Variants in EGFR observed in about 807,000 individuals in gnomAD.
EGFR encodes epidermal growth factor receptor.
Under a neutral mutation model 143.0 loss-of-function variants are expected in EGFR, and 58 were observed. That is an observed-to-expected ratio of 0.41 (90% CI 0.33 to 0.50). The LOEUF is 0.50. Ranked by LOEUF, EGFR falls within the 20% of genes least tolerant of loss-of-function variation. EGFR has a pLI of 0.39. For missense variants in EGFR, 1,307 were observed against 1,579.0 expected (o/e 0.83, Z 2.92); for synonymous variants, 613 against 594.4 (o/e 1.03, Z -0.45).
At chr7:55,189,720 G>A (rs6972381) in intron 20 of EGFR, among the ~76,000 whole-genome samples, 2,532 of 152,322 alleles carry the variant, frequency 0.017, 78 homozygotes, top group African/African-American at 0.058. Context: ...CACAGAGGAC[G>A]CCTTCAACAA....
intron 19 of EGFR, 25 bp from the exon 20 acceptor site, chr7:55,181,268 C>A (rs1786852408): frequency 1.9e-6 from 3 of 1,613,764 alleles, no homozygotes; most frequent in Non-Finnish European, 1.7e-6. Flanking sequence ...CGAAGCCACA[C>A]TGACGTGCCT....
intron 3 of EGFR, among the ~76,000 whole-genome samples, chr7:55,145,256 A>G (rs1794703512): frequency 6.6e-6 from 1 of 152,172 alleles, no homozygotes; most frequent in South Asian, 2.1e-4. Context: ...GAGCTGCCAC[A>G]GCAGCCTGGA....
chr7:55,101,267 G>T (rs552127687), intron 1 of EGFR, among the ~76,000 whole-genome samples: 3 of 152,336 alleles, frequency 2.0e-5, no homozygotes, highest in African/African-American at 7.2e-5. Context: ...TCCTTTTGCA[G>T]TTCCTACTGT....
chr7:55,161,854 A>G (rs1439276017), intron 13 of EGFR, among the ~76,000 whole-genome samples: 1 of 152,210 alleles, frequency 6.6e-6, no homozygotes, highest in Non-Finnish European at 1.5e-5. Flanking sequence ...ATTGCCTAAT[A>G]TAATCCAATA....
rs949374187 is a variant in EGFR, at chr7:55,205,964, TATTG to T, written c.*351_*354del. On this transcript the variant is annotated 3_prime_UTR_variant, in exon 28 of 28. Coordinates refer to ENST00000275493, the MANE Select transcript of EGFR (RefSeq NM_005228.5). ...GGATCTTGGAGTTTTTCATTGTCGC[TATTG>T]ATTTTTACTTCAATGGGCTCTTCCA... The T allele has an allele frequency of 1.9e-5, 8 of 410,440 alleles. No individual in the cohort carries two copies. The highest frequency in any genetic ancestry group is 1.6e-4 in the African/African-American group (8 of 49,754). The allele number at this position is 410,440 out of a possible 1,614,324, so 25.4% of individuals were successfully genotyped here.
In EGFR at chr7:55,019,267, G is replaced by C. The variant is rs1189446485; in HGVS notation, c.-11G>C. 10 of 1,493,210 alleles carry C rather than the reference G, an allele frequency of 6.7e-6. No individual in the cohort carries two copies. Among genetic ancestry groups the C allele is most frequent in the Middle Eastern group, 2.0e-4 (1 of 5,018 alleles). The allele number at this position is 1,493,210 out of a possible 1,614,324, so 92.5% of individuals were successfully genotyped here. A position where few individuals can be genotyped will look rare whatever the true frequency, so the allele number is the denominator to read the frequency against. On this transcript the variant is annotated 5_prime_UTR_variant, in exon 1 of 28. Coordinates refer to ENST00000275493, the MANE Select transcript of EGFR (RefSeq NM_005228.5). ...TCGGGAGAGCCGGAGCGAGCTCTTC[G>C]GGGAGCAGCGATGCGACCCTCCGGG...
intron 27 of EGFR, chr7:55,202,897 C>T: frequency 1.5e-6 from 1 of 648,618 alleles, no homozygotes; most frequent in Non-Finnish European, 2.8e-6. Flanking sequence ...CACGGACATA[C>T]ACATCTGTGT....
At chr7:55,065,177 T>C (rs186510886) in intron 1 of EGFR, among the ~76,000 whole-genome samples, 3 of 152,328 alleles carry the variant, frequency 2.0e-5, no homozygotes, top group Admixed American at 2.0e-4. Flanking sequence ...TCCTCAGATG[T>C]GCAACTCTGG....
At chr7:55,098,815 T>G (rs2128899652) in intron 1 of EGFR, among the ~76,000 whole-genome samples, 1 of 152,232 alleles carries the variant, frequency 6.6e-6, no homozygotes, top group East Asian at 1.9e-4. Flanking sequence ...GTTAAAAAGA[T>G]TCAACAAAGT....
chr7:55,064,406 T>C (rs145002978), intron 1 of EGFR, among the ~76,000 whole-genome samples: 47 of 152,366 alleles, frequency 3.1e-4, no homozygotes, highest in African/African-American at 1.1e-3. Context: ...TTGTGTTGCC[T>C]TGTTAAGGAG....
rs183484310 is a variant in EGFR, at chr7:55,177,492, G to A, written c.2283+2672G>A. Among the ~76,000 whole-genome samples the A allele has an allele frequency of 1.5e-4, 23 of 152,314 alleles. No individual in the cohort carries two copies. In the East Asian group the frequency reaches 4.1e-3, roughly 27 times the overall value. Reference sequence around the variant, plus strand: ...ACACACACTGCAGCCCCAGTTCCATGTTGCTAGCAGTGGCTTAGTGAATGA... The same window carrying A: ...ACACACACTGCAGCCCCAGTTCCATATTGCTAGCAGTGGCTTAGTGAATGA... On this transcript the variant is annotated intron_variant, in intron 19 of 27. Transcript: ENST00000275493.
rs1192017579 is a variant in EGFR, at chr7:55,019,120, C to T, written c.-158C>T. On this transcript the variant is annotated 5_prime_UTR_variant, in exon 1 of 28. Coordinates refer to ENST00000275493, the MANE Select transcript of EGFR (RefSeq NM_005228.5). ...GAGGCGGCCGGAGTCCCGAGCTAGC[C>T]CCGGCGGCCGCCGCCGCCCAGACCG... 1.8e-4 allele frequency: 75 copies of T among 420,710 alleles called. 1 individual carries two copies. In the East Asian group the frequency reaches 3.4e-3, roughly 19 times the overall value. The allele number at this position is 420,710 out of a possible 1,614,324, so 26.1% of individuals were successfully genotyped here.
Position 55,173,120 on chromosome 7 carries a change from G to A in EGFR, c.2057G>A (p.Arg686Lys), listed in dbSNP as rs1305428034. 6.2e-7 allele frequency: 1 copy of A among 1,610,102 alleles called. No homozygotes were observed. The highest frequency in any genetic ancestry group is 8.5e-7 in the Non-Finnish European group (1 of 1,179,948). Residue 686 changes from arginine (R) to lysine (K), a missense_variant, in exon 17 of 28, where the codon AGG (arginine) becomes AAG (lysine). By Grantham distance (26) the Arg-to-Lys change is conservative. Coordinates refer to ENST00000275493, the MANE Select transcript of EGFR (RefSeq NM_005228.5). Reference sequence around the variant, plus strand: ...ACGCTGCGGAGGCTGCTGCAGGAGAGGGAGGTGAGTGCCAGTCCTGGGTGG... The same window carrying A: ...ACGCTGCGGAGGCTGCTGCAGGAGAAGGAGGTGAGTGCCAGTCCTGGGTGG... ...KRTLRRLLQE[R>K]ELVEPLTPSG...
chr7:55,202,609 C>T lies in EGFR; in HGVS notation c.3255C>T (p.Thr1085=), dbSNP rs1204420618. ...TGACTGAGGACAGCATAGACGACAC[C>T]TTCCTCCCAGTGCCTGGTGAGTGGC... is the stretch of plus-strand genomic sequence containing the variant. The part of the protein sequence containing the change: ...GALTEDSIDD[T]FLPVPEYINQ... The change falls in exon 27 of 28, where the codon ACC becomes ACT. Residue 1085 remains threonine, a synonymous_variant. Transcript: ENST00000275493. The T allele has an allele frequency of 6.2e-7, 1 of 1,613,064 alleles. No homozygotes were observed. Among genetic ancestry groups the T allele is most frequent in the Non-Finnish European group, 8.5e-7 (1 of 1,179,514 alleles).
intron 1 of EGFR, among the ~76,000 whole-genome samples, chr7:55,037,627 A>G (rs12718939): frequency 0.75 from 113,875 of 152,072 alleles, 42,986 homozygotes; most frequent in East Asian, 0.95. Flanking sequence ...TGCTCACGGA[A>G]GACCAAATTT....
intron 6 of EGFR, among the ~76,000 whole-genome samples, chr7:55,153,168 G>A (rs952062703): frequency 1.3e-5 from 2 of 152,128 alleles, no homozygotes; most frequent in African/African-American, 4.8e-5. Context: ...CGGATCCCTC[G>A]GCTCCTCCAC....
chr7:55,164,933 A>C (rs1785891551), intron 14 of EGFR, among the ~76,000 whole-genome samples: 1 of 152,228 alleles, frequency 6.6e-6, no homozygotes, highest in Non-Finnish European at 1.5e-5. Flanking sequence ...TATAATATGC[A>C]AGAAAGACTA....
intron 1 of EGFR, among the ~76,000 whole-genome samples, chr7:55,091,746 G>T (rs894510729): frequency 6.6e-6 from 1 of 151,952 alleles, no homozygotes; most frequent in Admixed American, 6.6e-5. Context: ...GGATACTTCA[G>T]CCTCAGAGGA....
Position 55,146,574 on chromosome 7 carries a change from A to G in EGFR, c.425-32A>G, listed in dbSNP as rs766206832. The G allele has an allele frequency of 8.1e-6, 13 of 1,613,624 alleles. No homozygotes were observed. The Admixed American group carries it at 2.0e-4, about 25-fold the overall frequency. ...TCATGGGAATTTAAAGGAGCTGGAA[A>G]GAGTGCTCACCGCAGTTCCATTCTC... On this transcript the variant is annotated intron_variant, in intron 3 of 27. Coordinates refer to ENST00000275493, the MANE Select transcript of EGFR (RefSeq NM_005228.5).
Sources: allele counts gnomAD v4.1 joint callset (sites outside exome capture counted in the v4.1 genomes callset), GRCh38; gene constraint gnomAD v4.1.1; transcripts MANE v1.5; gene names NCBI Gene and HGNC (gene_info 2026-07-23, HGNC 2026-07-21).